TAFA5: variants seen among roughly 807,000 people sequenced by gnomAD.
TAFA5 encodes the protein TAFA chemokine like family member 5.
In TAFA5, 6 loss-of-function variants were observed where a neutral mutation model predicts 15.3. The observed-to-expected ratio is 0.39, with a 90% CI of 0.21 to 0.77. TAFA5 has a LOEUF of 0.77. TAFA5 is among the 30% of genes least tolerant of loss of function. The pLI, the probability that TAFA5 is intolerant of heterozygous loss-of-function variation, is 0.41. For missense variants in TAFA5, 161 were observed against 193.1 expected (o/e 0.83, Z 0.98); for synonymous variants, 103 against 80.7 (o/e 1.28, Z -1.48).
chr22:48,717,325 A>G (rs738695), intron 3 of TAFA5, among the ~76,000 whole-genome samples: 9,542 of 152,308 alleles, frequency 0.063, 366 homozygotes, highest in Admixed American at 0.095. Flanking sequence ...AGGGTGCAGG[A>G]AGAACAGGCT....
At chr22:48,558,992 T>C (rs1428845967) in intron 1 of TAFA5, among the ~76,000 whole-genome samples, 1 of 152,140 alleles carries the variant, frequency 6.6e-6, no homozygotes, top group Non-Finnish European at 1.5e-5. Context: ...GCGATGGCAT[T>C]TGGAGGTGAC....
intron 3 of TAFA5, among the ~76,000 whole-genome samples, chr22:48,725,418 A>G (rs1406330746): frequency 6.6e-6 from 1 of 152,208 alleles, no homozygotes; most frequent in Non-Finnish European, 1.5e-5. Flanking sequence ...GGGCAGAGGT[A>G]GCTCTGAAAA....
At chr22:48,739,562 C>G (rs1325757496) in intron 3 of TAFA5, among the ~76,000 whole-genome samples, 1 of 152,190 alleles carries the variant, frequency 6.6e-6, no homozygotes, top group African/African-American at 2.4e-5. Flanking sequence ...GTGCTGTGTC[C>G]TCTGGGGTGG....
intron 2 of TAFA5, among the ~76,000 whole-genome samples, chr22:48,677,453 C>T (rs765846419): frequency 1.3e-5 from 2 of 152,232 alleles, no homozygotes; most frequent in South Asian, 2.1e-4. Context: ...GTGACCTTCC[C>T]GTGTTCTTGA....
chr22:48,564,381 TGAAG>T (rs1257702684), intron 1 of TAFA5, among the ~76,000 whole-genome samples: 1 of 152,202 alleles, frequency 6.6e-6, no homozygotes, highest in African/African-American at 2.4e-5. Context: ...GGACACAAAA[TGAAG>T]GAAGCTGGTG....
intron 3 of TAFA5, among the ~76,000 whole-genome samples, chr22:48,739,871 C>G (rs150548148): frequency 1.3e-5 from 2 of 152,286 alleles, no homozygotes; most frequent in East Asian, 3.9e-4. Context: ...TTCCCCGGCG[C>G]GAGGCACGAT....
At chr22:48,607,714 G>C (rs912275891) in intron 1 of TAFA5, among the ~76,000 whole-genome samples, 3 of 152,214 alleles carry the variant, frequency 2.0e-5, no homozygotes, top group African/African-American at 7.2e-5. Flanking sequence ...GAGATTCTGA[G>C]TCAAGTGCAA....
At chr22:48,708,396 G>T (rs1050653038) in intron 3 of TAFA5, among the ~76,000 whole-genome samples, 1 of 152,162 alleles carries the variant, frequency 6.6e-6, no homozygotes, top group African/African-American at 2.4e-5. Context: ...AGTGCACCCC[G>T]CCCTCCCAAA....
intron 2 of TAFA5, among the ~76,000 whole-genome samples, chr22:48,700,758 A>G (rs1197435676): frequency 6.6e-6 from 1 of 152,156 alleles, no homozygotes; most frequent in African/African-American, 2.4e-5. Flanking sequence ...GGTTCTCAGG[A>G]CACTCAGTAG....
chr22:48,637,772 C>T (rs1292818229), intron 1 of TAFA5, among the ~76,000 whole-genome samples: 2 of 152,090 alleles, frequency 1.3e-5, no homozygotes, highest in African/African-American at 4.8e-5. Flanking sequence ...AAACCATCGA[C>T]GTCCCCAACA....
intron 1 of TAFA5, among the ~76,000 whole-genome samples, chr22:48,586,041 C>CCCCTGCAGCCTT (rs1924346738): frequency 6.6e-6 from 1 of 152,242 alleles, no homozygotes. Context: ...TCGGCCTCTG[C>CCCCTGCAGCCTT]CCCTGCAGCC....
chr22:48,639,191 A>C lies in TAFA5; in HGVS notation c.113-7406A>C, dbSNP rs142225218. On this transcript the variant is annotated intron_variant, in intron 1 of 3. Transcript: ENST00000402357. ...CCCTACGGGAACTCTGGGCGGCCCC[A>C]CGGCGCCTCCTTTTCTCCCCGTTGG... 1.0e-3 allele frequency among the ~76,000 whole-genome samples: 158 copies of C among 152,200 alleles called. 1 individual carries two copies. The highest frequency in any genetic ancestry group is 3.7e-3 in the African/African-American group (155 of 41,560).
chr22:48,645,983 T>C (rs1926847435), intron 1 of TAFA5, among the ~76,000 whole-genome samples: 1 of 152,174 alleles, frequency 6.6e-6, no homozygotes, highest in South Asian at 2.1e-4. Context: ...TGCACCGCGC[T>C]GTGGGAGGGC....
At chr22:48,624,569 C>T (rs1925961933) in intron 1 of TAFA5, among the ~76,000 whole-genome samples, 1 of 152,192 alleles carries the variant, frequency 6.6e-6, no homozygotes, top group Non-Finnish European at 1.5e-5. Context: ...AGGCTGCGAT[C>T]CAGGGCTGCT....
At chr22:48,647,555 C>G (rs2072615964) in intron 2 of TAFA5, among the ~76,000 whole-genome samples, 1 of 152,116 alleles carries the variant, frequency 6.6e-6, no homozygotes, top group South Asian at 2.1e-4. Context: ...GGGACCTCCC[C>G]AAGGCCCAGT....
At chr22:48,576,579 T>A in intron 1 of TAFA5, 1 of 1,455,732 alleles carries the variant, frequency 6.9e-7, no homozygotes, top group Non-Finnish European at 9.2e-7. Flanking sequence ...AAGGTAATTG[T>A]CCCCGGGCGC....
At chr22:48,499,321 C>G (rs905155199) in intron 1 of TAFA5, among the ~76,000 whole-genome samples, 1 of 152,182 alleles carries the variant, frequency 6.6e-6, no homozygotes, top group Non-Finnish European at 1.5e-5. Flanking sequence ...CTGCTTGTTT[C>G]ATTACGCCTG....
intron 1 of TAFA5, among the ~76,000 whole-genome samples, chr22:48,584,774 T>G (rs1228501022): frequency 7.4e-6 from 1 of 135,028 alleles, no homozygotes; most frequent in Non-Finnish European, 1.6e-5. Flanking sequence ...ACCACACACA[T>G]CACACACGCT....
chr22:48,620,316 C>T (rs1254701546), intron 1 of TAFA5, among the ~76,000 whole-genome samples: 1 of 152,116 alleles, frequency 6.6e-6, no homozygotes, highest in African/African-American at 2.4e-5. Context: ...CCCTGCAAAC[C>T]TCTCCTCTTA....
Sources: allele counts gnomAD v4.1 joint callset (sites outside exome capture counted in the v4.1 genomes callset), GRCh38; gene constraint gnomAD v4.1.1; transcripts MANE v1.5; gene names NCBI Gene and HGNC (gene_info 2026-07-23, HGNC 2026-07-21).